STX8: variants seen among roughly 807,000 people sequenced by gnomAD.
STX8 encodes the protein syntaxin-8.
In STX8, 23 loss-of-function variants were observed where a neutral mutation model predicts 37.5. That is an observed-to-expected ratio of 0.61 (90% CI 0.44 to 0.87). The LOEUF is 0.87. Among genes scored for constraint, STX8 ranks in the 40% least tolerant of loss-of-function variants. The pLI, the probability that STX8 is intolerant of heterozygous loss-of-function variation, is 0.00. For missense variants in STX8, 313 were observed against 284.7 expected, an observed-to-expected ratio of 1.10 and a Z score of -0.71; for synonymous variants, 115 against 99.1, an observed-to-expected ratio of 1.16 and a Z score of -0.95.
chr17:9,289,733 T>G (rs1292458213), intron 7 of STX8, among the ~76,000 whole-genome samples: 2 of 151,366 alleles, frequency 1.3e-5, no homozygotes, highest in African/African-American at 4.9e-5. Flanking sequence ...TGAGTCGGGA[T>G]CGCGCCACTG....
At chr17:9,280,089 T>C (rs1317290138) in intron 7 of STX8, among the ~76,000 whole-genome samples, 1 of 152,090 alleles carries the variant, frequency 6.6e-6, no homozygotes, top group Admixed American at 6.6e-5. Flanking sequence ...GGCGTGGTGG[T>C]GCACGCCTCT....
intron 4 of STX8, among the ~76,000 whole-genome samples, chr17:9,513,662 C>T (rs1905088756): frequency 6.6e-6 from 1 of 152,174 alleles, no homozygotes; most frequent in African/African-American, 2.4e-5. Flanking sequence ...CCAGCAATCC[C>T]CCTACTGGGC....
At chr17:9,544,714 C>T (rs375766597) in intron 4 of STX8, among the ~76,000 whole-genome samples, 5 of 152,082 alleles carry the variant, frequency 3.3e-5, no homozygotes, top group African/African-American at 7.2e-5. Context: ...GAAAACTGGC[C>T]GGGCGCAGTG....
rs1254121123 is a variant in STX8 at position 9,571,619 on chromosome 17, A to G, written c.18-3149T>C. Among the ~76,000 whole-genome samples the G allele has an allele frequency of 3.8e-4, 41 of 108,810 alleles. 1 individual carries two copies. The Middle Eastern group carries it at 0.034, about 90-fold the overall frequency. 71.4% of individuals were successfully genotyped at this position (108,810 alleles called of 152,430 possible). A position where few individuals can be genotyped will look rare whatever the true frequency, so the allele number is the denominator to read the frequency against. The stretch of plus-strand genomic sequence containing the variant: ...TGTCTCAAAAAAAAAAAAAAAAAAA[A>G]GTAATCTGGGCCGGGCATAGGCGTA... On this transcript the variant is annotated intron_variant, in intron 1 of 7. Transcript: ENST00000306357.
chr17:9,438,802 G>A (rs1343250390), intron 6 of STX8, among the ~76,000 whole-genome samples: 2 of 151,754 alleles, frequency 1.3e-5, no homozygotes, highest in Non-Finnish European at 2.9e-5. Flanking sequence ...TGGTGGTGGC[G>A]CCTGTAGTCC....
At chr17:9,390,423 G>A (rs1392841725) in intron 6 of STX8, among the ~76,000 whole-genome samples, 1 of 151,958 alleles carries the variant, frequency 6.6e-6, no homozygotes, top group East Asian at 1.9e-4. Flanking sequence ...TCAGGAGGCT[G>A]AGACAGAAGA....
intron 4 of STX8, among the ~76,000 whole-genome samples, chr17:9,539,948 G>A (rs185564808): frequency 1.3e-5 from 2 of 152,258 alleles, no homozygotes; most frequent in Admixed American, 1.3e-4. Flanking sequence ...CAATCGAATT[G>A]TAATTGAACA....
At chr17:9,253,207 G>GGTGTGTGTGTGTGTGTGTGTGT (rs36048368) in intron 7 of STX8, among the ~76,000 whole-genome samples, 45 of 141,026 alleles carry the variant, frequency 3.2e-4, no homozygotes, top group South Asian at 4.8e-4. Flanking sequence ...CAGGGGTAGG[G>GGTGTGTGTGTGTGTGTGTGTGT]GTGTGTGTGT....
At chr17:9,291,672 C>A (rs959836803) in intron 7 of STX8, among the ~76,000 whole-genome samples, 6 of 152,080 alleles carry the variant, frequency 3.9e-5, no homozygotes, top group Non-Finnish European at 5.9e-5. Flanking sequence ...TATATACATA[C>A]ATCTTTTATT....
At chr17:9,407,696 A>G (rs12603809) in intron 6 of STX8, among the ~76,000 whole-genome samples, 84,577 of 147,756 alleles carry the variant, frequency 0.57, 25,060 homozygotes, top group East Asian at 0.83. Context: ...AGGGGGCGGG[A>G]CAGCTTCCAG....
intron 7 of STX8, among the ~76,000 whole-genome samples, chr17:9,370,675 G>A (rs60845762): frequency 0.014 from 2,202 of 152,282 alleles, 62 homozygotes; most frequent in African/African-American, 0.049. Context: ...AATATGCTGA[G>A]AAGCAAGACT....
chr17:9,484,908 T>C (rs1906517712), intron 6 of STX8, among the ~76,000 whole-genome samples: 1 of 152,144 alleles, frequency 6.6e-6, no homozygotes, highest in Non-Finnish European at 1.5e-5. Flanking sequence ...TGGTGGGGTG[T>C]GTAATTCTAG....
chr17:9,259,971 A>G (rs1228200949), intron 7 of STX8, among the ~76,000 whole-genome samples: 2 of 152,046 alleles, frequency 1.3e-5, no homozygotes, highest in Non-Finnish European at 2.9e-5. Flanking sequence ...TAATCCCAGC[A>G]CTTTGGGAGG....
chr17:9,416,922 G>A (rs572161758), intron 6 of STX8, among the ~76,000 whole-genome samples: 1 of 152,252 alleles, frequency 6.6e-6, no homozygotes, highest in South Asian at 2.1e-4. Context: ...TTGATCTTTT[G>A]AGATGTTTTT....
chr17:9,505,584 T>C (rs1020933222), intron 4 of STX8, among the ~76,000 whole-genome samples: 17 of 152,130 alleles, frequency 1.1e-4, no homozygotes, highest in Non-Finnish European at 1.6e-4. Context: ...GCAGACACAA[T>C]GTTGCGACTA....
At chr17:9,446,304 A>G (rs1904849634) in intron 6 of STX8, among the ~76,000 whole-genome samples, 1 of 152,212 alleles carries the variant, frequency 6.6e-6, no homozygotes. Flanking sequence ...TTGGAAGCCA[A>G]CTTAGCAACA....
At chr17:9,369,930 G>T (rs550452644) in intron 7 of STX8, among the ~76,000 whole-genome samples, 15 of 131,354 alleles carry the variant, frequency 1.1e-4, no homozygotes, top group South Asian at 2.7e-4. Flanking sequence ...AAGAAAAAAA[G>T]CAAGCCAGGT....
At chr17:9,337,184 T>C (rs1439781018) in intron 7 of STX8, among the ~76,000 whole-genome samples, 1 of 152,138 alleles carries the variant, frequency 6.6e-6, no homozygotes, top group Non-Finnish European at 1.5e-5. Context: ...AAAGAAACTT[T>C]GAAGCACAAA....
chr17:9,575,562 C>T (rs1332548347), intron 1 of STX8, among the ~76,000 whole-genome samples: 1 of 152,200 alleles, frequency 6.6e-6, no homozygotes, highest in Non-Finnish European at 1.5e-5. Context: ...AGAGATTTGG[C>T]GTAAGTCCTC....
Sources: allele counts gnomAD v4.1 joint callset (sites outside exome capture counted in the v4.1 genomes callset), GRCh38; gene constraint gnomAD v4.1.1; transcripts MANE v1.5; gene names NCBI Gene and HGNC (gene_info 2026-07-23, HGNC 2026-07-21).